Variants in SBK1 observed in about 807,000 individuals in gnomAD.
The protein encoded by SBK1 is SH3 domain binding kinase 1, also known as serine/threonine-protein kinase SBK1.
Under a neutral mutation model 24.4 loss-of-function variants are expected in SBK1, and 11 were observed. The observed-to-expected ratio is 0.45, with a 90% CI of 0.28 to 0.75. The LOEUF (loss-of-function observed/expected upper bound fraction) is 0.75, where lower values mean the gene tolerates loss of function less well. SBK1 is among the 30% of genes least tolerant of loss of function. The pLI, the probability that SBK1 is intolerant of heterozygous loss-of-function variation, is 0.12. For synonymous variants in SBK1, 308 were observed against 284.4 expected (o/e 1.08, Z -0.83); for missense variants, 467 against 620.5 (o/e 0.75, Z 2.63).
intron 1 of SBK1, among the ~76,000 whole-genome samples, chr16:28,267,813 T>C (rs2044439144): frequency 6.6e-6 from 1 of 152,198 alleles, no homozygotes; most frequent in African/African-American, 2.4e-5. Context: ...AAGCTGGGGC[T>C]GAACCCCAGG....
chr16:28,303,436 A>T (rs1376683219), intron 1 of SBK1, among the ~76,000 whole-genome samples: 1 of 148,030 alleles, frequency 6.8e-6, no homozygotes, highest in South Asian at 2.1e-4. Flanking sequence ...GAGTTATTTT[A>T]TGCAAATACA....
chr16:28,303,492 C>CT (rs1403424563), intron 1 of SBK1, among the ~76,000 whole-genome samples: 1 of 121,594 alleles, frequency 8.2e-6, no homozygotes, highest in Non-Finnish European at 1.8e-5. Context: ...TTTTCTTTTT[C>CT]TTTTCTTTTC....
chr16:28,303,475 ATTTC>A (rs936821713), intron 1 of SBK1, among the ~76,000 whole-genome samples: 3 of 99,094 alleles, frequency 3.0e-5, no homozygotes, highest in Non-Finnish European at 4.4e-5. Context: ...ACTTCTCACT[ATTTC>A]TTTTTTCTTT....
At chr16:28,290,070 A>T (rs2044589154), upstream of SBK1, among the ~76,000 whole-genome samples, 1 of 150,370 alleles carries the variant, frequency 6.7e-6, no homozygotes, top group African/African-American at 2.5e-5. Flanking sequence ...TTGGTGACAA[A>T]GTGAGACCCT....
intron 1 of SBK1, among the ~76,000 whole-genome samples, chr16:28,271,319 G>A (rs1385726464): frequency 6.6e-6 from 1 of 152,172 alleles, no homozygotes; most frequent in African/African-American, 2.4e-5. Flanking sequence ...CACTTTAGGA[G>A]GCCAAAGCAG....
chr16:28,311,422 A>G (rs1181523495), intron 1 of SBK1, among the ~76,000 whole-genome samples: 2 of 152,134 alleles, frequency 1.3e-5, no homozygotes, highest in Non-Finnish European at 2.9e-5. Context: ...GAGGAGATAG[A>G]ATAGAGGACA....
chr16:28,272,360 G>T (rs1283373502), intron 1 of SBK1, among the ~76,000 whole-genome samples: 1 of 151,678 alleles, frequency 6.6e-6, no homozygotes, highest in Admixed American at 6.6e-5. Flanking sequence ...GTGAGCCCCT[G>T]GTACAGAGTT....
chr16:28,264,281 C>T (rs1376541640), intron 1 of SBK1, among the ~76,000 whole-genome samples: 1 of 152,090 alleles, frequency 6.6e-6, no homozygotes, highest in African/African-American at 2.4e-5. Context: ...GAGGAAAAGA[C>T]TTGGTGAGAA....
Position 28,317,694 on chromosome 16 carries a change from C to G in SBK1, c.226+77C>G. The G allele has an allele frequency of 9.8e-7, 1 of 1,016,932 alleles. No homozygotes were observed. The highest frequency in any genetic ancestry group is 1.5e-6 in the Non-Finnish European group (1 of 656,462). The allele number at this position is 1,016,932 out of a possible 1,614,324, so 63.0% of individuals were successfully genotyped here. A position where few individuals can be genotyped will look rare whatever the true frequency, so the allele number is the denominator to read the frequency against. On this transcript the variant is annotated intron_variant, in intron 2 of 3. Coordinates refer to ENST00000341901, the MANE Select transcript of SBK1 (RefSeq NM_001024401.3). The surrounding 1 kb of genome is among the most constrained non-coding windows in gnomAD (Gnocchi z 4.2). Reference sequence around the variant, plus strand: ...GGAGGTCAGGGTTGGGGGACATGACCTTGCAGCTGGGCCGGGGCTCTCTGG... The same window carrying G: ...GGAGGTCAGGGTTGGGGGACATGACGTTGCAGCTGGGCCGGGGCTCTCTGG...
chr16:28,302,938 C>T (rs1350610197), intron 1 of SBK1, among the ~76,000 whole-genome samples: 2 of 143,756 alleles, frequency 1.4e-5, no homozygotes, highest in Admixed American at 1.4e-4. Context: ...ATACATCCTA[C>T]CAGGAAAAAA....
chr16:28,316,222 T>C (rs1393462836), intron 1 of SBK1, among the ~76,000 whole-genome samples: 2 of 152,188 alleles, frequency 1.3e-5, no homozygotes, highest in Non-Finnish European at 2.9e-5. Context: ...TCCTGCCAGT[T>C]TGGCCTGAGA....
At position 28,292,927 on chromosome 16, in the gene SBK1, A is replaced by G; in HGVS notation, c.-381A>G. 1 of 973,094 alleles carries G rather than the reference A, an allele frequency of 1.0e-6. No individual in the cohort carries two copies. Among genetic ancestry groups the G allele is most frequent in the Non-Finnish European group, 1.2e-6 (1 of 820,106 alleles). 60.3% of individuals were successfully genotyped at this position (973,094 alleles called of 1,614,324 possible). ...CTCCTCAGTCTGGGCCCCCGCCCCA[A>G]GACCTAGAACGCAGTGCCCCCAGGC... On this transcript the variant is annotated 5_prime_UTR_variant, in exon 1 of 4. Coordinates refer to ENST00000341901, the MANE Select transcript of SBK1 (RefSeq NM_001024401.3).
Position 28,321,218 on chromosome 16 carries a change from C to T in SBK1, c.*297C>T, listed in dbSNP as rs78981652. ...ACACACACACACACACACACACACA[C>T]ACACACACACACACACACACGCCAG... On this transcript the variant is annotated 3_prime_UTR_variant, in exon 4 of 4. Transcript: ENST00000341901. 113,260 of 194,304 alleles carry T rather than the reference C, an allele frequency of 0.58. 37,141 individuals carry two copies. Among genetic ancestry groups the T allele is most frequent in the South Asian group, 0.79 (6,033 of 7,678 alleles). 12.0% of individuals were successfully genotyped at this position (194,304 alleles called of 1,614,324 possible).
At chr16:28,262,768 G>C (rs1230252148) in intron 1 of SBK1, among the ~76,000 whole-genome samples, 1 of 152,188 alleles carries the variant, frequency 6.6e-6, no homozygotes, top group Non-Finnish European at 1.5e-5. Context: ...CCTACATCTG[G>C]TGTTTTGATG....
chr16:28,280,767 CG>C (rs1567672400), intron 1 of SBK1, among the ~76,000 whole-genome samples: 1 of 152,118 alleles, frequency 6.6e-6, no homozygotes, highest in Non-Finnish European at 1.5e-5. Context: ...CGGATTCAAG[CG>C]ATTCTCCTGG....
chr16:28,292,365 G>C (rs1051588771), upstream of SBK1, among the ~76,000 whole-genome samples: 767 of 146,092 alleles, frequency 5.3e-3, 14 homozygotes, highest in Non-Finnish European at 7.1e-3. Flanking sequence ...TCTGCGCTCC[G>C]CGGCGCGCGG....
intron 1 of SBK1, among the ~76,000 whole-genome samples, chr16:28,309,362 G>T (rs997368025): frequency 6.6e-6 from 1 of 152,186 alleles, no homozygotes; most frequent in African/African-American, 2.4e-5. Flanking sequence ...CCGCTCTCCA[G>T]CCCGACTTTG....
intron 1 of SBK1, chr16:28,284,849 T>G (rs1597016149): frequency 6.6e-6 from 1 of 152,384 alleles, no homozygotes. Context: ...TAGTTTTTAC[T>G]TATTTTGGAA....
At chr16:28,290,683 G>A (rs2044592865), upstream of SBK1, 1 of 151,046 alleles carries the variant, frequency 6.6e-6, no homozygotes, top group Admixed American at 6.6e-5. Flanking sequence ...AAGAAAGGAA[G>A]GAAGGAAGGG....
Sources: allele counts gnomAD v4.1 joint callset (sites outside exome capture counted in the v4.1 genomes callset), GRCh38; gene constraint gnomAD v4.1.1; non-coding constraint Gnocchi (gnomAD v3.1); transcripts MANE v1.5; gene names NCBI Gene and HGNC (gene_info 2026-07-23, HGNC 2026-07-21).